STK32B: variants seen among roughly 807,000 people sequenced by gnomAD.
STK32B encodes serine/threonine kinase 32B, also known as serine/threonine-protein kinase 32B.
In STK32B, 43 loss-of-function variants were observed where a neutral mutation model predicts 52.6. That is an observed-to-expected ratio of 0.82 (90% confidence interval 0.64 to 1.05). The LOEUF is 1.05. Among genes scored for constraint, STK32B ranks in the 50% least tolerant of loss-of-function variants. STK32B has a pLI of 0.00. For missense variants in STK32B, 621 were observed against 534.6 expected (o/e 1.16, Z -1.59); for synonymous variants, 238 against 204.3 (o/e 1.17, Z -1.41).
chr4:5,159,391 G>C (rs1267577536), intron 2 of STK32B, among the ~76,000 whole-genome samples: 3 of 150,902 alleles, frequency 2.0e-5, no homozygotes, highest in African/African-American at 7.3e-5. Context: ...ATCCTGGCTG[G>C]CTCATTACCA....
At chr4:5,268,538 G>GGTGTGTGTGTGTGT (rs10593272) in intron 3 of STK32B, among the ~76,000 whole-genome samples, 2 of 140,092 alleles carry the variant, frequency 1.4e-5, no homozygotes, top group East Asian at 2.1e-4. Context: ...TGCTTGGTGT[G>GGTGTGTGTGTGTGT]GTGTGTGTGT....
In STK32B at chr4:5,398,055, C is replaced by G; in HGVS notation, c.435-152C>G. ...AGAACACAGGTGTCCCATTATCTTACCAATTATTCTCCCACTCCATGTCTG... is the reference window on the plus strand; with the variant it reads ...AGAACACAGGTGTCCCATTATCTTAGCAATTATTCTCCCACTCCATGTCTG... On this transcript the variant is annotated intron_variant, in intron 4 of 11. Transcript: ENST00000282908. The surrounding 1 kb of genome is among the most constrained non-coding windows in gnomAD (Gnocchi z 4.9). 2 of 710,238 alleles carry G rather than the reference C, an allele frequency of 2.8e-6. No individual in the cohort carries two copies. The highest frequency in any genetic ancestry group is 4.8e-6 in the Non-Finnish European group (2 of 418,790). 44.0% of individuals were successfully genotyped at this position (710,238 alleles called of 1,614,324 possible).
In STK32B at chr4:5,051,519, C is replaced by A. The variant is rs954341707; in HGVS notation, c.-345C>A. ...CCTGCTCCCGCGCCGCCTCGCGTCTCCCGCCCGCTGTAGCCGGCGAGGAGC... is the reference window on the plus strand; with the variant it reads ...CCTGCTCCCGCGCCGCCTCGCGTCTACCGCCCGCTGTAGCCGGCGAGGAGC... On this transcript the variant is annotated 5_prime_UTR_variant, in exon 1 of 12. Transcript: ENST00000282908. 4 of 328,840 alleles carry A rather than the reference C, an allele frequency of 1.2e-5. No individual in the cohort carries two copies. Among genetic ancestry groups the A allele is most frequent in the Non-Finnish European group, 2.2e-5 (4 of 182,436 alleles). The allele number at this position is 328,840 out of a possible 1,614,324, so 20.4% of individuals were successfully genotyped here. A position where few individuals can be genotyped will look rare whatever the true frequency, so the allele number is the denominator to read the frequency against.
At chr4:5,040,476 C>T in the STK32B span, among the ~76,000 whole-genome samples, 1 of 150,616 alleles carries the variant, frequency 6.6e-6, no homozygotes, top group African/African-American at 2.5e-5. Flanking sequence ...TCACTGCAAC[C>T]TCCGCCTCCT....
chr4:5,205,712 G>T (rs2369496), intron 3 of STK32B, among the ~76,000 whole-genome samples: 3 of 84,190 alleles, frequency 3.6e-5, no homozygotes, highest in Non-Finnish European at 1.1e-4. Context: ...GCGTGTGTGT[G>T]TGTGTGTGTG....
chr4:5,430,825 G>A (rs1713515467), intron 6 of STK32B, among the ~76,000 whole-genome samples: 1 of 152,172 alleles, frequency 6.6e-6, no homozygotes, highest in Admixed American at 6.5e-5. Context: ...GGTTACCAAA[G>A]TGTTTTCCTC....
chr4:5,260,514 G>A (rs1422891405), intron 3 of STK32B, among the ~76,000 whole-genome samples: 1 of 152,158 alleles, frequency 6.6e-6, no homozygotes, highest in Non-Finnish European at 1.5e-5. Flanking sequence ...GACCGGGGAG[G>A]CTTCCTGGAG....
chr4:5,263,897 C>T (rs1726887325), intron 3 of STK32B, among the ~76,000 whole-genome samples: 3 of 152,174 alleles, frequency 2.0e-5, no homozygotes, highest in Admixed American at 6.5e-5. Flanking sequence ...TTGGTTTTGC[C>T]TATTCCAGAA....
At chr4:5,088,540 A>G (rs1712868199) in intron 1 of STK32B, among the ~76,000 whole-genome samples, 1 of 152,126 alleles carries the variant, frequency 6.6e-6, no homozygotes, top group Non-Finnish European at 1.5e-5. Context: ...AATACCTAGT[A>G]TTTGATCGTA....
intron 4 of STK32B, among the ~76,000 whole-genome samples, chr4:5,351,301 C>T (rs910621096): frequency 6.6e-6 from 1 of 151,878 alleles, no homozygotes; most frequent in African/African-American, 2.4e-5. Context: ...GAAATCAATA[C>T]CAAGAGGAAC....
Position 5,115,670 on chromosome 4 carries a change from C to T in STK32B, c.53-24235C>T, listed in dbSNP as rs527649816. 3.9e-4 allele frequency among the ~76,000 whole-genome samples: 59 copies of T among 151,768 alleles called. 1 individual carries two copies. The highest frequency in any genetic ancestry group is 6.6e-4 in the Non-Finnish European group (45 of 68,004). On this transcript the variant is annotated intron_variant, in intron 1 of 11. Coordinates refer to ENST00000282908, the MANE Select transcript of STK32B (RefSeq NM_018401.3). ...GACCCCAGCCCAGGGAGGAGTTTCT[C>T]CTAGGGGTGCCACAGGACACGTCCT...
At chr4:5,432,370 T>A (rs1713665451) in intron 6 of STK32B, 1 of 152,226 alleles carries the variant, frequency 6.6e-6, no homozygotes, top group Non-Finnish European at 1.5e-5. Context: ...GAGATGGACA[T>A]GTAACTATTA....
intron 9 of STK32B, among the ~76,000 whole-genome samples, chr4:5,465,868 G>T (rs535021329): frequency 6.6e-6 from 1 of 152,170 alleles, no homozygotes; most frequent in Non-Finnish European, 1.5e-5. Flanking sequence ...CTTGCTTCAT[G>T]CCTGGCCCTA....
chr4:5,234,853 GA>G (rs1248650950), intron 3 of STK32B, among the ~76,000 whole-genome samples: 1 of 152,216 alleles, frequency 6.6e-6, no homozygotes, highest in African/African-American at 2.4e-5. Flanking sequence ...ATTTTTCTAA[GA>G]AATCTTTATG....
chr4:5,060,829 T>C (rs376807114), intron 1 of STK32B, among the ~76,000 whole-genome samples: 2 of 152,220 alleles, frequency 1.3e-5, no homozygotes, highest in African/African-American at 4.8e-5. Context: ...TTTGAAGATA[T>C]GATTTATTGT....
chr4:5,460,320 C>G lies in STK32B; in HGVS notation c.909+92C>G. On this transcript the variant is annotated intron_variant, in intron 9 of 11. Coordinates refer to ENST00000282908, the MANE Select transcript of STK32B (RefSeq NM_018401.3). This position sits in a 1 kb window ranked among gnomAD's most constrained non-coding sequence, Gnocchi z 4.8. The stretch of plus-strand genomic sequence containing the variant: ...GACTTTGGCAGCTGGCTAGTGAGCC[C>G]TCTGCTGGCCACTTCCACCTGAGCA... The G allele has an allele frequency of 6.6e-7, 1 of 1,509,502 alleles. No individual in the cohort carries two copies. The highest frequency in any genetic ancestry group is 8.9e-7 in the Non-Finnish European group (1 of 1,125,668). The allele number at this position is 1,509,502 out of a possible 1,614,324, so 93.5% of individuals were successfully genotyped here.
intron 3 of STK32B, among the ~76,000 whole-genome samples, chr4:5,184,388 C>T (rs1720579692): frequency 2.0e-5 from 3 of 152,086 alleles, no homozygotes; most frequent in African/African-American, 7.2e-5. Flanking sequence ...TATATGGGTG[C>T]AGCTCATGAT....
intron 11 of STK32B, among the ~76,000 whole-genome samples, chr4:5,496,958 G>T (rs1460492331): frequency 6.6e-6 from 1 of 152,134 alleles, no homozygotes. Context: ...ATAAAGAAAA[G>T]AAATTGTGAG....
chr4:5,160,864 G>A (rs978967561), intron 2 of STK32B, among the ~76,000 whole-genome samples: 1 of 152,176 alleles, frequency 6.6e-6, no homozygotes, highest in African/African-American at 2.4e-5. Flanking sequence ...CCTTCACACA[G>A]GGAGGTCAGA....
Sources: gnomAD v4.1 joint callset for allele counts (sites outside exome capture counted in the v4.1 genomes callset) on GRCh38, gnomAD v4.1.1 for gene constraint, Gnocchi (gnomAD v3.1) non-coding constraint, MANE v1.5 for transcripts, NCBI Gene and HGNC (gene_info 2026-07-23, HGNC 2026-07-21) for gene names.